The following ZDBF2 variants were observed in gnomAD, a reference collection of about 807,000 sequenced individuals.
The protein encoded by ZDBF2 is zinc finger DBF-type containing 2.
In ZDBF2, 6 loss-of-function variants were observed where a neutral mutation model predicts 9.4. The ratio of observed to expected loss-of-function variants is 0.64; its 90% CI spans 0.35 to 1.27. ZDBF2 has a LOEUF of 1.27. ZDBF2 is among the 50% of genes most tolerant of loss of function. The probability of loss-of-function intolerance (pLI) is 0.03; values close to 1 mark genes in which losing one functional copy is unlikely to be tolerated. For synonymous variants in ZDBF2, 905 were observed against 946.3 expected (o/e 0.96, Z 0.80); for missense variants, 2,697 against 2,766.8 (o/e 0.97, Z 0.57).
chr2:206,291,198 C>G (rs889507334), intron 3 of ZDBF2, among the ~76,000 whole-genome samples: 1 of 152,156 alleles, frequency 6.6e-6, no homozygotes, highest in Non-Finnish European at 1.5e-5. Context: ...TCGTGGAAGA[C>G]AATTTTTCCA....
chr2:206,310,284 G>A lies in ZDBF2; in HGVS notation c.5756G>A (p.Arg1919His), dbSNP rs367788805. 1.2e-5 allele frequency: 20 copies of A among 1,613,898 alleles called. No individual in the cohort carries two copies. The highest frequency in any genetic ancestry group is 6.7e-5 in the Admixed American group (4 of 60,008). ...GTGGCCTTAGATAAACCATGCCATC[G>A]TCATCCTCCAGCAGAGAGGCCTCCT... is the stretch of plus-strand genomic sequence containing the variant. ...LSVALDKPCH[R>H]HPPAERPPKQ... Residue 1919 changes from arginine to histidine, a missense_variant, in exon 5 of 5, where the codon CGT becomes CAT. By Grantham distance (29) the Arg-to-His change is conservative. Around this residue, in one of 3 missense-constraint regions of ZDBF2, gnomAD observed 1,783 missense variants for 1,776.5 expected, o/e 1.00. Coordinates refer to ENST00000374423, the MANE Select transcript of ZDBF2 (RefSeq NM_020923.3).
chr2:206,277,214 TACAC>T (rs1691057427), intron 1 of ZDBF2, among the ~76,000 whole-genome samples: 1 of 151,912 alleles, frequency 6.6e-6, no homozygotes, highest in East Asian at 1.9e-4. Context: ...GTTTGAGAAA[TACAC>T]ACACGACAAC....
In ZDBF2 at chr2:206,307,900, C is replaced by G. The variant is rs1559155490; in HGVS notation, c.3372C>G (p.Val1124=). 1 of 1,613,624 alleles carries G rather than the reference C, an allele frequency of 6.2e-7. No homozygotes were observed. Among genetic ancestry groups the G allele is most frequent in the Non-Finnish European group, 8.5e-7 (1 of 1,179,752 alleles). Residue 1124 remains valine (V), a synonymous_variant, in exon 5 of 5, where the codon GTC becomes GTG. Coordinates refer to ENST00000374423, the MANE Select transcript of ZDBF2 (RefSeq NM_020923.3). ...TAATACATCATCCTGATGTTTCTGT[C>G]CAATCTGTGGCTGATCAACCCAAAG... The part of the protein sequence containing the change: ...YKLIHHPDVS[V]QSVADQPKVA...
rs147757197 is a variant in ZDBF2 at position 206,298,487 on chromosome 2, A to C, written c.188+1114A>C. 5.6e-3 allele frequency among the ~76,000 whole-genome samples: 849 copies of C among 152,270 alleles called. 11 individuals are homozygous for C. Among genetic ancestry groups the C allele is most frequent in the African/African-American group, 0.02 (813 of 41,548 alleles). ...GCTGGTGGGAAGATAGAATTAGCCT[A>C]TCCTGGGGTCAGTATAAATTTCCAG... On this transcript the variant is annotated intron_variant, in intron 4 of 4. Transcript: ENST00000374423.
intron 1 of ZDBF2, among the ~76,000 whole-genome samples, chr2:206,275,852 T>C (rs1241932855): frequency 1.3e-5 from 2 of 152,188 alleles, no homozygotes; most frequent in African/African-American, 4.8e-5. Context: ...GTTTATTTGC[T>C]TTTTTCACTT....
intron 3 of ZDBF2, among the ~76,000 whole-genome samples, chr2:206,296,304 G>C (rs185347200): frequency 6.6e-6 from 1 of 152,294 alleles, no homozygotes; most frequent in Admixed American, 6.5e-5. Flanking sequence ...TCCCACTCAG[G>C]ACATGAATCA....
In ZDBF2 at chr2:206,311,034, A is replaced by G; in HGVS notation, c.6506A>G (p.Glu2169Gly). The G allele has an allele frequency of 6.2e-7, 1 of 1,610,148 alleles. No homozygotes were observed. The highest frequency in any genetic ancestry group is 1.3e-5 in the African/African-American group (1 of 74,634). Reference sequence around the variant, plus strand: ...AAATCAGTTAGAAATAAGCTTTTGGAAAGTCAAAGTAAAAAGAAAATTCAT... The same window carrying G: ...AAATCAGTTAGAAATAAGCTTTTGGGAAGTCAAAGTAAAAAGAAAATTCAT... ...SPKSVRNKLL[E>G]SQSKKKIHGK... The change falls in exon 5 of 5, where the codon GAA becomes GGA. Residue 2169 changes from glutamate to glycine, a missense_variant. Physicochemically the swap from Glu to Gly is moderately conservative, Grantham distance 98. Around this residue, in one of 3 missense-constraint regions of ZDBF2, gnomAD observed 1,783 missense variants for 1,776.5 expected, o/e 1.00. Coordinates refer to ENST00000374423, the MANE Select transcript of ZDBF2 (RefSeq NM_020923.3).
At chr2:206,303,256 A>G (rs1335031321) in intron 4 of ZDBF2, among the ~76,000 whole-genome samples, 1 of 145,230 alleles carries the variant, frequency 6.9e-6, no homozygotes, top group Non-Finnish European at 1.5e-5. Context: ...ACAGGTCTAG[A>G]TGTGATGATA....
In ZDBF2 at chr2:206,307,126, A is replaced by G; in HGVS notation, c.2598A>G (p.Glu866=). 2.5e-6 allele frequency: 4 copies of G among 1,612,784 alleles called. No individual in the cohort carries two copies. The highest frequency in any genetic ancestry group is 3.4e-6 in the Non-Finnish European group (4 of 1,179,538). The part of the protein sequence containing the change: ...EYIHLERKND[E]PSGSEISSDS... ...TTCACTTAGAAAGGAAGAATGATGAACCCAGTGGTTCTGAAATAAGTTCGG... is the reference window on the plus strand; with the variant it reads ...TTCACTTAGAAAGGAAGAATGATGAGCCCAGTGGTTCTGAAATAAGTTCGG... Residue 866 remains glutamate (E), a synonymous_variant, in exon 5 of 5, where the codon GAA becomes GAG. Coordinates refer to ENST00000374423, the MANE Select transcript of ZDBF2 (RefSeq NM_020923.3).
rs1486073685 is a variant in ZDBF2 at position 206,313,319 on chromosome 2, A to G, written c.*1726A>G. The G allele has an allele frequency of 6.6e-6, 1 of 152,218 alleles. No homozygotes were observed. 9.4% of individuals were successfully genotyped at this position (152,218 alleles called of 1,614,324 possible). On this transcript the variant is annotated 3_prime_UTR_variant, in exon 5 of 5. Transcript: ENST00000374423. ...CTAAATTTAAATAGTAATTATGTTT[A>G]AAAACAAATGTTTTTGTCTTTAGTT... is the stretch of plus-strand genomic sequence containing the variant.
In ZDBF2 at chr2:206,306,627, A is replaced by T. The variant is rs1443941217; in HGVS notation, c.2099A>T (p.Gln700Leu). 1.2e-6 allele frequency: 2 copies of T among 1,613,756 alleles called. No individual in the cohort carries two copies. Among genetic ancestry groups the T allele is most frequent in the South Asian group, 2.2e-5 (2 of 91,072 alleles). Residue 700 changes from glutamine (Q) to leucine (L), a missense_variant, in exon 5 of 5, where the codon CAG becomes CTG. By Grantham distance (113) the Gln-to-Leu change is moderately radical. Transcript: ENST00000374423. ...GTTGACCTTGAGAATAAGAGTGTTC[A>T]GTCTAGCCGTTCTTCTCTGAGTTCT... The part of the protein sequence containing the change: ...VDVDLENKSV[Q>L]SSRSSLSSDS...
At position 206,307,608 on chromosome 2, in the gene ZDBF2, A is replaced by G. The variant is rs750864736; in HGVS notation, c.3080A>G (p.Tyr1027Cys). Residue 1027 changes from tyrosine (Y) to cysteine (C), a missense_variant, in exon 5 of 5, where the codon TAT (tyrosine) becomes TGT (cysteine). Tyr to Cys is a radical substitution (Grantham distance 194). Around this residue, in one of 3 missense-constraint regions of ZDBF2, gnomAD observed 1,783 missense variants for 1,776.5 expected, o/e 1.00. Transcript: ENST00000374423. The part of the protein sequence containing the change: ...AVNKINRKKQ[Y>C]VLENKNDKCS... ...AACAAAATAAACAGAAAGAAGCAAT[A>G]TGTTCTAGAAAACAAGAATGATAAA... 2 of 1,612,236 alleles carry G rather than the reference A, an allele frequency of 1.2e-6. No homozygotes were observed. The highest frequency in any genetic ancestry group is 4.5e-5 in the East Asian group (2 of 44,850).
At chr2:206,299,206 C>T (rs919981824) in intron 4 of ZDBF2, among the ~76,000 whole-genome samples, 4 of 152,110 alleles carry the variant, frequency 2.6e-5, no homozygotes, top group African/African-American at 9.7e-5. Context: ...TATGGTATAG[C>T]TTGCTAGAAT....
intron 3 of ZDBF2, among the ~76,000 whole-genome samples, chr2:206,292,468 C>T (rs963961442): frequency 2.0e-5 from 3 of 152,002 alleles, no homozygotes; most frequent in Non-Finnish European, 4.4e-5. Context: ...ATCAGTAATA[C>T]ATTAAGTGAA....
Position 206,311,496 on chromosome 2 carries a change from T to G in ZDBF2, c.6968T>G (p.Val2323Gly). 6.2e-7 allele frequency: 1 copy of G among 1,601,690 alleles called. No individual in the cohort carries two copies. The highest frequency in any genetic ancestry group is 8.5e-7 in the Non-Finnish European group (1 of 1,176,480). Residue 2323 changes from valine (V) to glycine (G), a missense_variant, in exon 5 of 5, where the codon GTG becomes GGG. This residue lies in a region of ZDBF2 where 1,783 missense variants were observed against 1,776.5 expected (regional missense o/e 1.00). Transcript: ENST00000374423. ...CGACAGAAAGGTCCTTCTACACCTG[T>G]GAGAGCATATGATCTGAGAAGCTCA... ...HGRQKGPSTP[V>G]RAYDLRSSSC...
intron 3 of ZDBF2, among the ~76,000 whole-genome samples, chr2:206,296,920 C>T (rs1406212816): frequency 6.6e-6 from 1 of 152,150 alleles, no homozygotes. Flanking sequence ...CATAGTATTA[C>T]ATCTTAGAGC....
Position 206,307,753 on chromosome 2 carries a change from A to G in ZDBF2, c.3225A>G (p.Ser1075=), listed in dbSNP as rs371237107. The change falls in exon 5 of 5, where the codon TCA becomes TCG. Residue 1075 remains serine (S), a synonymous_variant. Coordinates refer to ENST00000374423, the MANE Select transcript of ZDBF2 (RefSeq NM_020923.3). ...ATCTGAAGGACAAAAACAGTAAATC[A>G]GGTGATTCTAAAATAACTTTTGATT... The part of the protein sequence containing the change: ...HVNLKDKNSK[S]GDSKITFDSE... 1.1e-4 allele frequency: 174 copies of G among 1,612,256 alleles called. No individual in the cohort carries two copies. Among genetic ancestry groups the G allele is most frequent in the Non-Finnish European group, 1.4e-4 (160 of 1,179,512 alleles).
rs772136881 is a variant in ZDBF2 at position 206,305,974 on chromosome 2, G to A, written c.1446G>A (p.Leu482=). The part of the protein sequence containing the change: ...ISLQNARHIS[L]VDQSYESSSS... The stretch of plus-strand genomic sequence containing the variant: ...TTCAGAATGCAAGGCATATTAGCCT[G>A]GTTGACCAAAGCTATGAATCTAGTA... Residue 482 remains leucine, a synonymous_variant, in exon 5 of 5, where the codon CTG becomes CTA. Transcript: ENST00000374423. 7 of 1,613,164 alleles carry A rather than the reference G, an allele frequency of 4.3e-6. No homozygotes were observed. In the East Asian group the frequency reaches 1.6e-4, roughly 36 times the overall value.
Position 206,274,732 on chromosome 2 carries a change from C to T in ZDBF2, c.-317C>T, listed in dbSNP as rs995215916. ...CGTGAGTGGAGTCGCGACTCGGGGC[C>T]CGCGTCCTGAGAGACGCGCTCCCGC... is the stretch of plus-strand genomic sequence containing the variant. On this transcript the variant is annotated 5_prime_UTR_variant, in exon 1 of 5. Coordinates refer to ENST00000374423, the MANE Select transcript of ZDBF2 (RefSeq NM_020923.3). 1 of 152,232 alleles carries T rather than the reference C, an allele frequency of 6.6e-6. No individual in the cohort carries two copies. The highest frequency in any genetic ancestry group is 1.5e-5 in the Non-Finnish European group (1 of 68,058). The allele number at this position is 152,232 out of a possible 1,614,324, so 9.4% of individuals were successfully genotyped here.
Sources: allele counts gnomAD v4.1 joint callset (sites outside exome capture counted in the v4.1 genomes callset), GRCh38; gene constraint gnomAD v4.1.1; regional missense constraint gnomAD v4.1.1; transcripts MANE v1.5; gene names NCBI Gene and HGNC (gene_info 2026-07-23, HGNC 2026-07-21).